The following USH2A variants were observed in gnomAD, a reference collection of about 807,000 sequenced individuals.
The protein encoded by USH2A is Usher syndrome 2A (autosomal recessive, mild).
Under a neutral mutation model 538.9 loss-of-function variants are expected in USH2A, and 443 were observed. The ratio of observed to expected loss-of-function variants is 0.82; its 90% CI spans 0.76 to 0.89. The LOEUF is 0.89. Ranked by LOEUF, USH2A falls within the 40% of genes least tolerant of loss-of-function variation. The probability of loss-of-function intolerance (pLI) is 0.00; values close to 1 mark genes in which losing one functional copy is unlikely to be tolerated. For synonymous variants in USH2A, 2,413 were observed against 2,273.5 expected, an observed-to-expected ratio of 1.06 and a Z score of -1.75; for missense variants, 6,633 against 6,324.8, an observed-to-expected ratio of 1.05 and a Z score of -1.65.
intron 24 of USH2A, among the ~76,000 whole-genome samples, chr1:216,085,285 T>C (rs2032093041): frequency 6.6e-6 from 1 of 152,192 alleles, no homozygotes; most frequent in Non-Finnish European, 1.5e-5. Flanking sequence ...ACCAGTCTGT[T>C]ACTGAAGTAA....
chr1:216,387,043 A>C (rs989550393), intron 3 of USH2A, among the ~76,000 whole-genome samples: 3 of 152,214 alleles, frequency 2.0e-5, no homozygotes, highest in African/African-American at 7.2e-5. Context: ...AATTACTTCA[A>C]GAACATAATT....
At chr1:216,301,510 T>C (rs2037216411) in intron 9 of USH2A, among the ~76,000 whole-genome samples, 1 of 152,154 alleles carries the variant, frequency 6.6e-6, no homozygotes, top group Non-Finnish European at 1.5e-5. Flanking sequence ...GAAAATAGTA[T>C]TCGAGGGAGA....
intron 3 of USH2A, among the ~76,000 whole-genome samples, chr1:216,384,919 T>C (rs2038981164): frequency 6.6e-6 from 1 of 152,216 alleles, no homozygotes; most frequent in South Asian, 2.1e-4. Context: ...CTTCATTCTG[T>C]AGCCAAAAGT....
intron 55 of USH2A, among the ~76,000 whole-genome samples, chr1:215,769,332 G>A (rs1661217155): frequency 6.6e-6 from 1 of 152,064 alleles, no homozygotes; most frequent in Admixed American, 6.5e-5. Context: ...ATTTTAGGAT[G>A]GGCATTAGGG....
chr1:216,394,925 A>C (rs1454391331), intron 3 of USH2A, among the ~76,000 whole-genome samples: 1 of 151,810 alleles, frequency 6.6e-6, no homozygotes, highest in Non-Finnish European at 1.5e-5. Flanking sequence ...TCACCGTGTT[A>C]GCCAGGATGG....
chr1:216,118,718 A>G (rs917895190), intron 21 of USH2A, among the ~76,000 whole-genome samples: 1 of 152,350 alleles, frequency 6.6e-6, no homozygotes, highest in East Asian at 1.9e-4. Context: ...TCTAGGCTCT[A>G]AACAATTCCT....
chr1:215,769,522 T>C (rs1272618807), intron 55 of USH2A, among the ~76,000 whole-genome samples: 2 of 152,192 alleles, frequency 1.3e-5, no homozygotes, highest in Non-Finnish European at 2.9e-5. Context: ...AGCCTAGAAT[T>C]TGAGAAGGCA....
chr1:215,626,659 A>C (rs1656035959), intron 71 of USH2A, among the ~76,000 whole-genome samples: 1 of 152,216 alleles, frequency 6.6e-6, no homozygotes, highest in African/African-American at 2.4e-5. Context: ...AAAGCAAGCA[A>C]AAATGACAAT....
intron 30 of USH2A, among the ~76,000 whole-genome samples, chr1:216,062,616 T>C (rs1156597352): frequency 6.6e-6 from 1 of 152,136 alleles, no homozygotes; most frequent in Non-Finnish European, 1.5e-5. Flanking sequence ...AAGGTTTTCA[T>C]CCCCAATTTA....
At chr1:215,844,699 G>C (rs1346872925) in intron 45 of USH2A, among the ~76,000 whole-genome samples, 1 of 152,166 alleles carries the variant, frequency 6.6e-6, no homozygotes, top group East Asian at 1.9e-4. Flanking sequence ...GTGGTAAAAT[G>C]CTTTATACCA....
At chr1:215,648,856 G>T in intron 65 of USH2A, 90 bp from the exon 66 acceptor site, 1 of 1,274,108 alleles carries the variant, frequency 7.8e-7, no homozygotes, top group Non-Finnish European at 1.1e-6. Context: ...CCTACAAATG[G>T]AGTACCATGC....
intron 61 of USH2A, among the ~76,000 whole-genome samples, chr1:215,694,497 C>T (rs1474532355): frequency 1.3e-5 from 2 of 152,164 alleles, no homozygotes; most frequent in Admixed American, 6.5e-5. Context: ...GGCGTGAACC[C>T]GGGAGGCGGA....
intron 40 of USH2A, among the ~76,000 whole-genome samples, chr1:215,893,511 T>C (rs575618374): frequency 1.3e-5 from 2 of 152,286 alleles, no homozygotes; most frequent in East Asian, 1.9e-4. Context: ...GGCCAGCAGA[T>C]AGCATTTCTG....
Position 215,628,784 on chromosome 1 carries a change from C to G in USH2A, c.15519+30G>C, listed in dbSNP as rs773430315. 5 of 1,610,628 alleles carry G rather than the reference C, an allele frequency of 3.1e-6. No homozygotes were observed. The African/African-American group carries it at 5.3e-5, about 17-fold the overall frequency. On this transcript the variant is annotated intron_variant, in intron 71 of 71. Coordinates refer to ENST00000307340, the MANE Select transcript of USH2A (RefSeq NM_206933.4). Reference sequence around the variant, plus strand: ...CCAATATTTTTTCTGGGATATTTAGCAAAGGCCCTGTATGAGGAAACCAAC... The same window carrying G: ...CCAATATTTTTTCTGGGATATTTAGGAAAGGCCCTGTATGAGGAAACCAAC...
At chr1:216,321,338 A>C (rs1168007174) in intron 9 of USH2A, among the ~76,000 whole-genome samples, 1 of 152,130 alleles carries the variant, frequency 6.6e-6, no homozygotes, top group Non-Finnish European at 1.5e-5. Flanking sequence ...ATTCCACCTC[A>C]ACTATGGAAT....
At position 215,624,573 on chromosome 1, in the gene USH2A, A is replaced by AT. The variant is rs1655927300; in HGVS notation, c.*1207dup. On this transcript the variant is annotated 3_prime_UTR_variant, in exon 72 of 72. Transcript: ENST00000307340. ...CATGAAGAACAAATTTAAATATCTG[A>AT]TTTTATGTGGATGATTTGCAAGAAA... The AT allele has an allele frequency of 6.6e-6, 1 of 152,134 alleles. No individual in the cohort carries two copies. Among genetic ancestry groups the AT allele is most frequent in the Admixed American group, 6.6e-5 (1 of 15,264 alleles). 9.4% of individuals were successfully genotyped at this position (152,134 alleles called of 1,614,324 possible).
At chr1:216,380,834 T>C (rs2102733170) in intron 3 of USH2A, among the ~76,000 whole-genome samples, 1 of 152,296 alleles carries the variant, frequency 6.6e-6, no homozygotes, top group Admixed American at 6.5e-5. Flanking sequence ...TTCTATCACA[T>C]ATCACTTTTT....
chr1:216,069,984 G>T, intron 30 of USH2A, 117 bp downstream of exon 30: 2 of 1,256,748 alleles, frequency 1.6e-6, no homozygotes, highest in Middle Eastern at 1.9e-4. Context: ...TTTTAATCAG[G>T]TAAAATACAT....
chr1:216,232,257 A>C, intron 13 of USH2A, 121 bp from the exon 14 acceptor site: 2 of 1,112,938 alleles, frequency 1.8e-6, no homozygotes, highest in Non-Finnish European at 2.5e-6. Context: ...CCCAATACAA[A>C]TGTGGTTATA....
Sources: allele counts gnomAD v4.1 joint callset (sites outside exome capture counted in the v4.1 genomes callset), GRCh38; gene constraint gnomAD v4.1.1; transcripts MANE v1.5; gene names NCBI Gene and HGNC (gene_info 2026-07-23, HGNC 2026-07-21).